ADGRB3: variants seen among roughly 807,000 people sequenced by gnomAD.
ADGRB3 encodes brain-specific angiogenesis inhibitor 3.
In ADGRB3, 37 loss-of-function variants were observed where a neutral mutation model predicts 193.4. The observed-to-expected ratio is 0.19, with a 90% CI of 0.15 to 0.25. The LOEUF is 0.25. Ranked by LOEUF, ADGRB3 falls within the 10% of genes least tolerant of loss-of-function variation. The pLI is 1.00. For synonymous variants in ADGRB3, 690 were observed against 644.2 expected (o/e 1.07, Z -1.08); for missense variants, 1,637 against 1,852.9 (o/e 0.88, Z 2.14).
chr6:68,718,906 G>T (rs114189473), intron 3 of ADGRB3, among the ~76,000 whole-genome samples: 3 of 151,720 alleles, frequency 2.0e-5, no homozygotes, highest in Non-Finnish European at 4.4e-5. Context: ...CTGCCTTTGC[G>T]CTGTAACAGC....
Position 68,956,006 on chromosome 6 carries a change from CTT to C in ADGRB3, c.1196-14_1196-13del. ...ATTGGAAGATATCCTCATGCTGTCTCTTTTTCTGCTTTGGTAGTTGATGGACA... is the reference window on the plus strand; with the variant it reads ...ATTGGAAGATATCCTCATGCTGTCTCTTTCTGCTTTGGTAGTTGATGGACA... On this transcript the variant is annotated splice_polypyrimidine_tract_variant and intron_variant, in intron 6 of 31. Coordinates refer to ENST00000370598, the MANE Select transcript of ADGRB3 (RefSeq NM_001704.3). 6.2e-7 allele frequency: 1 copy of C among 1,609,824 alleles called. No individual in the cohort carries two copies. Among genetic ancestry groups the C allele is most frequent in the Non-Finnish European group, 8.5e-7 (1 of 1,178,118 alleles).
intron 17 of ADGRB3, among the ~76,000 whole-genome samples, chr6:69,210,304 C>G (rs561797082): frequency 6.6e-6 from 1 of 151,436 alleles, no homozygotes; most frequent in South Asian, 2.1e-4. Flanking sequence ...GGGCAGGGAG[C>G]ATCCAGCATG....
intron 31 of ADGRB3, among the ~76,000 whole-genome samples, chr6:69,386,871 CT>C (rs1425452071): frequency 3.3e-5 from 5 of 152,068 alleles, no homozygotes; most frequent in Non-Finnish European, 7.4e-5. Flanking sequence ...TCCCATAGTA[CT>C]TTTCCTGGAT....
intron 17 of ADGRB3, among the ~76,000 whole-genome samples, chr6:69,190,988 A>G: frequency 6.6e-6 from 1 of 152,188 alleles, no homozygotes; most frequent in East Asian, 1.9e-4. Context: ...GTGCTACAAA[A>G]TTGCCTAATG....
intron 3 of ADGRB3, among the ~76,000 whole-genome samples, chr6:68,648,357 T>G (rs888630422): frequency 1.3e-5 from 2 of 152,162 alleles, no homozygotes; most frequent in African/African-American, 4.8e-5. Context: ...CTGTTTGGTT[T>G]CTGTTTCTAT....
At chr6:68,867,042 A>G (rs1199794033) in intron 3 of ADGRB3, among the ~76,000 whole-genome samples, 1 of 152,206 alleles carries the variant, frequency 6.6e-6, no homozygotes. Flanking sequence ...ATGGGGAGAA[A>G]TTCAAGCCAG....
chr6:68,904,037 GGGAGGGAAGGAGGGAAGGAGGGAA>G (rs58787855), intron 3 of ADGRB3, among the ~76,000 whole-genome samples: 5 of 105,152 alleles, frequency 4.8e-5, no homozygotes, highest in Non-Finnish European at 9.3e-5. Flanking sequence ...AAACAAGGAA[GGGAGGGAAGGAGGGAAGGAGGGAA>G]GGAGGGAAGG....
chr6:68,967,575 G>A (rs901119288), intron 8 of ADGRB3, among the ~76,000 whole-genome samples: 14 of 152,138 alleles, frequency 9.2e-5, no homozygotes, highest in African/African-American at 2.2e-4. Flanking sequence ...AACTGGACAC[G>A]GCTATCTACT....
At chr6:68,758,793 GC>G (rs1475083510) in intron 3 of ADGRB3, among the ~76,000 whole-genome samples, 2 of 152,066 alleles carry the variant, frequency 1.3e-5, no homozygotes, top group African/African-American at 4.8e-5. Flanking sequence ...ATGTTGTTCA[GC>G]TTTGTAGTAT....
At chr6:69,368,413 A>G (rs59615564) in intron 29 of ADGRB3, among the ~76,000 whole-genome samples, 5,035 of 152,222 alleles carry the variant, frequency 0.033, 276 homozygotes, top group African/African-American at 0.11. Context: ...CAGATGGCAC[A>G]TGCTGGTGGA....
At chr6:68,720,735 G>A (rs1420147038) in intron 3 of ADGRB3, among the ~76,000 whole-genome samples, 1 of 151,644 alleles carries the variant, frequency 6.6e-6, no homozygotes, top group Non-Finnish European at 1.5e-5. Flanking sequence ...TTCTTCCCAC[G>A]GTTACCATAA....
chr6:68,820,403 A>G (rs1046856993), intron 3 of ADGRB3, among the ~76,000 whole-genome samples: 2 of 151,898 alleles, frequency 1.3e-5, no homozygotes, highest in African/African-American at 2.4e-5. Flanking sequence ...GGAATATGCA[A>G]TGTTTTGATA....
chr6:68,879,649 G>A (rs1187596756), intron 3 of ADGRB3, among the ~76,000 whole-genome samples: 2 of 152,122 alleles, frequency 1.3e-5, no homozygotes, highest in Admixed American at 1.3e-4. Flanking sequence ...CATCTTTCTA[G>A]TGGTCTTGGG....
intron 10 of ADGRB3, among the ~76,000 whole-genome samples, chr6:68,982,046 G>T (rs1953615): frequency 0.65 from 98,094 of 151,396 alleles, 32,614 homozygotes; most frequent in African/African-American, 0.81. Context: ...CCACCACGCC[G>T]GGCTAATTTT....
intron 3 of ADGRB3, among the ~76,000 whole-genome samples, chr6:68,660,955 A>G (rs903819376): frequency 9.9e-5 from 15 of 151,070 alleles, no homozygotes; most frequent in African/African-American, 3.4e-4. Context: ...TTAGTCTAAA[A>G]TCATTTTGCA....
At chr6:68,938,861 T>C (rs1767558222) in intron 5 of ADGRB3, among the ~76,000 whole-genome samples, 1 of 152,166 alleles carries the variant, frequency 6.6e-6, no homozygotes, top group South Asian at 2.1e-4. Context: ...AGAATTATGC[T>C]GTACTTGAAA....
Position 69,082,314 on chromosome 6 carries a change from G to A in ADGRB3, c.2480+6276G>A, listed in dbSNP as rs1045165436. On this transcript the variant is annotated intron_variant, in intron 17 of 31. Transcript: ENST00000370598. ...ATATTTGCAAGCAGGGTAAGGGTAG[G>A]ATGTCCAAGGCTAGAGAGGATCAAT... is the stretch of plus-strand genomic sequence containing the variant. Among the ~76,000 whole-genome samples, 5 of 151,996 alleles carry A rather than the reference G, an allele frequency of 3.3e-5. No homozygotes were observed. The South Asian group carries it at 1.0e-3, about 31-fold the overall frequency.
intron 3 of ADGRB3, among the ~76,000 whole-genome samples, chr6:68,781,147 T>C (rs527450924): frequency 2.6e-5 from 4 of 152,288 alleles, no homozygotes; most frequent in African/African-American, 7.2e-5. Context: ...AAAGTCTAGG[T>C]TGGCTGTCTT....
rs1425825107 is a variant in ADGRB3 at position 69,031,095 on chromosome 6, T to G, written c.2107+12596T>G. Among the ~76,000 whole-genome samples the G allele has an allele frequency of 3.0e-3, 232 of 78,414 alleles. 14 individuals are homozygous for G. The highest frequency in any genetic ancestry group is 9.4e-3 in the African/African-American group (206 of 21,838). 51.4% of individuals were successfully genotyped at this position (78,414 alleles called of 152,430 possible). The stretch of plus-strand genomic sequence containing the variant: ...TCTTCTCTTCTCTTCTCTTCTCTTC[T>G]CTTCTCTTCTCTTCTCTTCTCTCTC... On this transcript the variant is annotated intron_variant, in intron 13 of 31. Coordinates refer to ENST00000370598, the MANE Select transcript of ADGRB3 (RefSeq NM_001704.3).
Sources: allele counts gnomAD v4.1 joint callset (sites outside exome capture counted in the v4.1 genomes callset), GRCh38; gene constraint gnomAD v4.1.1; transcripts MANE v1.5; gene names NCBI Gene and HGNC (gene_info 2026-07-23, HGNC 2026-07-21).